Variants in AIG1 observed in about 807,000 individuals in gnomAD.
AIG1 encodes androgen induced 1.
In AIG1, 23 loss-of-function variants were observed where a neutral mutation model predicts 31.4. That is an observed-to-expected ratio of 0.73 (90% CI 0.53 to 1.04). The LOEUF is 1.04. Ranked by LOEUF, AIG1 falls within the 50% of genes least tolerant of loss-of-function variation. The pLI is 0.00. For missense variants in AIG1, 274 were observed against 295.0 expected (o/e 0.93, Z 0.52); for synonymous variants, 100 against 110.5 (o/e 0.90, Z 0.60).
chr6:143,237,986 G>T (rs563215232), intron 3 of AIG1, among the ~76,000 whole-genome samples: 1 of 152,076 alleles, frequency 6.6e-6, no homozygotes, highest in African/African-American at 2.4e-5. Flanking sequence ...TGTCACCTAG[G>T]CTGGAGTGCA....
chr6:143,283,470 A>C (rs1240989274), intron 3 of AIG1, among the ~76,000 whole-genome samples: 1 of 152,244 alleles, frequency 6.6e-6, no homozygotes, highest in Admixed American at 6.5e-5. Context: ...TGACAATAAA[A>C]ACATAATTTA....
At chr6:143,343,236 T>A, downstream of AIG1, 3 of 666,272 alleles carry the variant, frequency 4.5e-6, no homozygotes, top group Non-Finnish European at 8.6e-6. Flanking sequence ...ATTTTTTGAT[T>A]ATGCAGCACA....
rs867743536 is a variant in AIG1 at position 143,250,912 on chromosome 6, G to A, written c.400-33198G>A. On this transcript the variant is annotated intron_variant, in intron 3 of 5. Coordinates refer to ENST00000357847, the MANE Select transcript of AIG1 (RefSeq NM_016108.4). ...CATTTTTCCAATGTGGCCCAAGGAAGCCAAAAGATTAGACACCTCTGCTCT... is the reference window on the plus strand; with the variant it reads ...CATTTTTCCAATGTGGCCCAAGGAAACCAAAAGATTAGACACCTCTGCTCT... Among the ~76,000 whole-genome samples the A allele has an allele frequency of 9.9e-5, 15 of 152,276 alleles. No individual in the cohort carries two copies. The South Asian group carries it at 2.7e-3, about 27-fold the overall frequency.
At chr6:143,226,349 T>C (rs1166021367) in intron 3 of AIG1, among the ~76,000 whole-genome samples, 1 of 151,930 alleles carries the variant, frequency 6.6e-6, no homozygotes, top group Non-Finnish European at 1.5e-5. Flanking sequence ...CAAGCAATTG[T>C]CCTGCGTCAG....
chr6:143,122,199 A>AT (rs1782299674), intron 1 of AIG1, among the ~76,000 whole-genome samples: 1 of 152,152 alleles, frequency 6.6e-6, no homozygotes, highest in South Asian at 2.1e-4. Flanking sequence ...ATATATTTTT[A>AT]TTAATACCTG....
At chr6:143,065,922 T>G (rs1583044643) in intron 1 of AIG1, among the ~76,000 whole-genome samples, 1 of 152,246 alleles carries the variant, frequency 6.6e-6, no homozygotes, top group Non-Finnish European at 1.5e-5. Flanking sequence ...GGCTCTAGTT[T>G]GTAGTACTGG....
At chr6:143,232,209 C>T (rs944447012) in intron 3 of AIG1, among the ~76,000 whole-genome samples, 1 of 152,052 alleles carries the variant, frequency 6.6e-6, no homozygotes, top group African/African-American at 2.4e-5. Flanking sequence ...CATATAAACC[C>T]CAGCAATTAG....
intron 3 of AIG1, among the ~76,000 whole-genome samples, chr6:143,266,086 A>G (rs1008579498): frequency 2.0e-5 from 3 of 152,220 alleles, no homozygotes; most frequent in Non-Finnish European, 4.4e-5. Flanking sequence ...GCCATGGCTC[A>G]CGCCTGTAAT....
At chr6:143,306,215 G>A (rs886130075) in intron 4 of AIG1, among the ~76,000 whole-genome samples, 62 of 151,838 alleles carry the variant, frequency 4.1e-4, no homozygotes, top group Non-Finnish European at 8.5e-4. Context: ...GGAGCATTTA[G>A]TCCATTTACA....
chr6:143,259,966 A>G (rs962710728), intron 3 of AIG1, among the ~76,000 whole-genome samples: 7 of 150,808 alleles, frequency 4.6e-5, no homozygotes, highest in Admixed American at 2.6e-4. Context: ...CCAAAGCTGC[A>G]TTGGAGAAGG....
chr6:143,110,352 A>G (rs1187674698), intron 1 of AIG1, among the ~76,000 whole-genome samples: 1 of 152,194 alleles, frequency 6.6e-6, no homozygotes, highest in East Asian at 1.9e-4. Flanking sequence ...CAAATTTCAC[A>G]CACAAAGATT....
chr6:143,209,272 A>C (rs965843518), intron 3 of AIG1, among the ~76,000 whole-genome samples: 1 of 152,234 alleles, frequency 6.6e-6, no homozygotes, highest in Non-Finnish European at 1.5e-5. Context: ...ATGGTCACCC[A>C]TTATATCATT....
intron 1 of AIG1, among the ~76,000 whole-genome samples, chr6:143,117,438 C>G (rs1285071429): frequency 6.6e-6 from 1 of 152,050 alleles, no homozygotes; most frequent in East Asian, 1.9e-4. Context: ...AAAGATAGAG[C>G]CAACAGGATT....
chr6:143,341,846 A>G (rs1418564749), downstream of AIG1, among the ~76,000 whole-genome samples: 1 of 152,218 alleles, frequency 6.6e-6, no homozygotes. Flanking sequence ...CGGTGGCTCC[A>G]CTGATAGCAG....
At chr6:143,213,841 A>G (rs1791794785) in intron 3 of AIG1, among the ~76,000 whole-genome samples, 1 of 152,074 alleles carries the variant, frequency 6.6e-6, no homozygotes, top group Non-Finnish European at 1.5e-5. Context: ...TGAGAAGACA[A>G]CAATCTATGA....
intron 3 of AIG1, among the ~76,000 whole-genome samples, chr6:143,208,632 A>T (rs548729837): frequency 6.6e-6 from 1 of 152,320 alleles, no homozygotes; most frequent in African/African-American, 2.4e-5. Flanking sequence ...GTGGCATCAT[A>T]AAATCAAGCA....
chr6:143,108,868 A>G (rs539419984), intron 1 of AIG1, among the ~76,000 whole-genome samples: 1 of 152,322 alleles, frequency 6.6e-6, no homozygotes, highest in African/African-American at 2.4e-5. Context: ...TATACGGAGA[A>G]GTCTTATATG....
downstream of AIG1, among the ~76,000 whole-genome samples, chr6:143,343,651 C>T (rs1454536181): frequency 6.6e-6 from 1 of 151,922 alleles, no homozygotes; most frequent in Non-Finnish European, 1.5e-5. Context: ...TAGCAGAATG[C>T]CCTCACTATA....
At chr6:143,184,481 A>T (rs1789040242) in intron 3 of AIG1, among the ~76,000 whole-genome samples, 1 of 152,048 alleles carries the variant, frequency 6.6e-6, no homozygotes. Flanking sequence ...CCTCCTTTAA[A>T]TCTTGTTATT....
Sources: gnomAD v4.1 joint callset for allele counts (sites outside exome capture counted in the v4.1 genomes callset) on GRCh38, gnomAD v4.1.1 for gene constraint, MANE v1.5 for transcripts, NCBI Gene and HGNC (gene_info 2026-07-23, HGNC 2026-07-21) for gene names.